The following DSCAML1 variants were observed in gnomAD, a reference collection of about 807,000 sequenced individuals.
DSCAML1 encodes DS cell adhesion molecule like 1, also known as cell adhesion molecule DSCAML1.
Under a neutral mutation model 200.5 loss-of-function variants are expected in DSCAML1, and 38 were observed. The ratio of observed to expected loss-of-function variants is 0.19; its 90% CI spans 0.15 to 0.25. The LOEUF is 0.25. Ranked by LOEUF, DSCAML1 falls within the 10% of genes least tolerant of loss-of-function variation. The probability of loss-of-function intolerance (pLI) is 1.00; values close to 1 mark genes in which losing one functional copy is unlikely to be tolerated. For synonymous variants in DSCAML1, 1,215 were observed against 1,165.0 expected (o/e 1.04, Z -0.87); for missense variants, 2,223 against 2,858.8 (o/e 0.78, Z 5.07).
intron 18 of DSCAML1, among the ~76,000 whole-genome samples, chr11:117,460,757 C>A (rs1158414862): frequency 6.6e-6 from 1 of 152,124 alleles, no homozygotes; most frequent in Non-Finnish European, 1.5e-5. Context: ...TTCTCTACCC[C>A]CCTGCTCCAC....
At chr11:117,553,065 T>C (rs1385612137) in intron 3 of DSCAML1, among the ~76,000 whole-genome samples, 1 of 152,174 alleles carries the variant, frequency 6.6e-6, no homozygotes, top group Admixed American at 6.5e-5. Flanking sequence ...TCAAGTTTCT[T>C]GAGGGTTGAG....
At chr11:117,814,307 T>A (rs574332924) in intron 1 of DSCAML1, among the ~76,000 whole-genome samples, 22 of 152,236 alleles carry the variant, frequency 1.4e-4, no homozygotes, top group African/African-American at 5.3e-4. Flanking sequence ...TGTTTGGTGG[T>A]TCTCTTCACA....
In DSCAML1 at chr11:117,467,582, T is replaced by C. The variant is rs117896749; in HGVS notation, c.3024+2328A>G. Among the ~76,000 whole-genome samples the C allele has an allele frequency of 9.2e-5, 14 of 152,354 alleles. No individual in the cohort carries two copies. In the East Asian group the frequency reaches 2.1e-3, roughly 23 times the overall value. ...CTCACTGTTAATAAAATGAAGTTTTTAATTTAACATAATTGTTTTGGACTC... is the reference window on the plus strand; with the variant it reads ...CTCACTGTTAATAAAATGAAGTTTTCAATTTAACATAATTGTTTTGGACTC... On this transcript the variant is annotated intron_variant, in intron 16 of 32. Coordinates refer to ENST00000651296, the MANE Select transcript of DSCAML1 (RefSeq NM_020693.4).
intron 1 of DSCAML1, among the ~76,000 whole-genome samples, chr11:117,805,762 C>G (rs899788847): frequency 2.0e-5 from 3 of 152,186 alleles, no homozygotes; most frequent in African/African-American, 7.2e-5. Context: ...GCAAGGAGTT[C>G]CCCGATCCCT....
intron 29 of DSCAML1, 23 bp from the exon 30 acceptor site, chr11:117,432,527 T>G (rs2047822949): frequency 6.2e-7 from 1 of 1,607,952 alleles, no homozygotes. Flanking sequence ...GGACAATTAC[T>G]GGGAGTCCTT....
chr11:117,789,509 T>A (rs1482221140), intron 1 of DSCAML1, among the ~76,000 whole-genome samples: 1 of 152,168 alleles, frequency 6.6e-6, no homozygotes, highest in East Asian at 1.9e-4. Flanking sequence ...CTCACCAGCA[T>A]CCCAGCTGGG....
chr11:117,592,161 G>A (rs2137486746), intron 3 of DSCAML1, among the ~76,000 whole-genome samples: 1 of 152,280 alleles, frequency 6.6e-6, no homozygotes, highest in East Asian at 1.9e-4. Context: ...GCAGTAGTCA[G>A]AGTCTGGATT....
intron 3 of DSCAML1, among the ~76,000 whole-genome samples, chr11:117,759,270 C>A (rs1039871234): frequency 5.3e-5 from 8 of 152,098 alleles, no homozygotes; most frequent in Non-Finnish European, 1.2e-4. Flanking sequence ...GCATGTGCCA[C>A]CTGTGAACTT....
At chr11:117,632,205 C>T (rs2052189076) in intron 3 of DSCAML1, among the ~76,000 whole-genome samples, 1 of 152,226 alleles carries the variant, frequency 6.6e-6, no homozygotes, top group Non-Finnish European at 1.5e-5. Context: ...GCCTTTTCCT[C>T]ATAAGGAAAT....
intron 1 of DSCAML1, among the ~76,000 whole-genome samples, chr11:117,809,508 T>C (rs978301410): frequency 6.6e-6 from 1 of 152,196 alleles, no homozygotes; most frequent in Non-Finnish European, 1.5e-5. Flanking sequence ...GACAGGATGG[T>C]GGCGCCGCAG....
At chr11:117,653,808 T>C (rs1398245402) in intron 3 of DSCAML1, among the ~76,000 whole-genome samples, 1 of 152,158 alleles carries the variant, frequency 6.6e-6, no homozygotes, top group Non-Finnish European at 1.5e-5. Context: ...ACAACCAAAA[T>C]GTCCATCAAC....
rs117009696 is a variant in DSCAML1 at position 117,601,421 on chromosome 11, G to A, written c.512-68899C>T. Among the ~76,000 whole-genome samples, 231 of 152,326 alleles carry A rather than the reference G, an allele frequency of 1.5e-3. 6 individuals carry two copies. The East Asian group carries it at 0.035, about 23-fold the overall frequency. On this transcript the variant is annotated intron_variant, in intron 3 of 32. Transcript: ENST00000651296. ...CACCTTCTGAGGTCAAGAGGGCCCA[G>A]CTGAGATGTCCAAGATCAGGACCAG...
At chr11:117,511,334 A>G (rs1769396988) in intron 8 of DSCAML1, among the ~76,000 whole-genome samples, 1 of 152,164 alleles carries the variant, frequency 6.6e-6, no homozygotes, top group South Asian at 2.1e-4. Context: ...TGGCTCAAGA[A>G]GCCCTCGGAA....
At position 117,465,742 on chromosome 11, in the gene DSCAML1, T is replaced by TTGAA. The variant is rs57457586; in HGVS notation, c.3025-564_3025-561dup. Reference sequence around the variant, plus strand: ...GCATACTATGGGCCCTCAATACATATTGAATGAATGAATGAATGAATGAAT... The same window carrying TTGAA: ...GCATACTATGGGCCCTCAATACATATTGAATGAATGAATGAATGAATGAATGAAT... On this transcript the variant is annotated intron_variant, in intron 16 of 32. Transcript: ENST00000651296. 7.0e-3 allele frequency among the ~76,000 whole-genome samples: 1,047 copies of TTGAA among 150,464 alleles called. 7 individuals carry two copies. The highest frequency in any genetic ancestry group is 8.8e-3 in the South Asian group (41 of 4,676).
chr11:117,514,334 G>A (rs1218760765), intron 8 of DSCAML1, among the ~76,000 whole-genome samples: 2 of 152,186 alleles, frequency 1.3e-5, no homozygotes, highest in Non-Finnish European at 2.9e-5. Flanking sequence ...GAAGCCCCCA[G>A]GTGACAGGGC....
intron 3 of DSCAML1, among the ~76,000 whole-genome samples, chr11:117,672,008 G>T (rs961170855): frequency 6.0e-5 from 9 of 151,258 alleles, no homozygotes; most frequent in Non-Finnish European, 7.4e-5. Context: ...GGGTGAGGCA[G>T]GAGAATGGCG....
chr11:117,538,802 TAGACAGGGGA>T (rs1276990408), intron 3 of DSCAML1, among the ~76,000 whole-genome samples: 11 of 71,496 alleles, frequency 1.5e-4, no homozygotes, highest in Non-Finnish European at 5.5e-5. Context: ...GAGAAGGTGA[TAGACAGGGGA>T]GGAGGGGGAA....
At chr11:117,442,232 GT>G (rs1466157204) in intron 21 of DSCAML1, among the ~76,000 whole-genome samples, 1 of 151,670 alleles carries the variant, frequency 6.6e-6, no homozygotes, top group African/African-American at 2.4e-5. Flanking sequence ...TAGTGTGTGT[GT>G]GCGTGTGTAT....
chr11:117,446,819 A>C (rs759087886), intron 20 of DSCAML1, among the ~76,000 whole-genome samples: 31 of 152,224 alleles, frequency 2.0e-4, no homozygotes, highest in Admixed American at 2.0e-4. Context: ...ATTCTTTGTG[A>C]CCCAGGAATT....
Sources: gnomAD v4.1 joint callset for allele counts (sites outside exome capture counted in the v4.1 genomes callset) on GRCh38, gnomAD v4.1.1 for gene constraint, MANE v1.5 for transcripts, NCBI Gene and HGNC (gene_info 2026-07-23, HGNC 2026-07-21) for gene names.